The following LRRC4C variants were observed in gnomAD, a reference collection of about 807,000 sequenced individuals.
LRRC4C encodes the protein leucine rich repeat containing 4C.
A neutral mutation model predicts 33.6 loss-of-function variants in LRRC4C; 5 were observed. The observed-to-expected ratio is 0.15, with a 90% CI of 0.08 to 0.31. LRRC4C has a LOEUF of 0.31. Ranked by LOEUF, LRRC4C falls within the 10% of genes least tolerant of loss-of-function variation. The probability of loss-of-function intolerance (pLI) is 1.00; values close to 1 mark genes in which losing one functional copy is unlikely to be tolerated. For synonymous variants in LRRC4C, 329 were observed against 302.0 expected, an observed-to-expected ratio of 1.09 and a Z score of -0.93; for missense variants, 560 against 796.7, an observed-to-expected ratio of 0.70 and a Z score of 3.58.
At chr11:40,184,386 T>G (rs567969272) in intron 5 of LRRC4C, among the ~76,000 whole-genome samples, 1 of 152,264 alleles carries the variant, frequency 6.6e-6, no homozygotes, top group African/African-American at 2.4e-5. Flanking sequence ...AATTGTCTCT[T>G]TTGAGCGGAT....
At chr11:40,458,859 GT>G (rs1224812872) in intron 3 of LRRC4C, among the ~76,000 whole-genome samples, 4 of 151,982 alleles carry the variant, frequency 2.6e-5, no homozygotes, top group East Asian at 1.9e-4. Flanking sequence ...GTTTTCCTAG[GT>G]TTTTTATTTG....
At chr11:41,278,420 G>T (rs562274750) in intron 1 of LRRC4C, among the ~76,000 whole-genome samples, 4 of 152,272 alleles carry the variant, frequency 2.6e-5, no homozygotes, top group African/African-American at 9.6e-5. Flanking sequence ...AAGTTTCCAA[G>T]AATCTATCGA....
intron 3 of LRRC4C, among the ~76,000 whole-genome samples, chr11:40,487,011 G>A (rs893281206): frequency 6.6e-6 from 1 of 151,944 alleles, no homozygotes. Context: ...AGGGGAAGCC[G>A]ATAGGGTTAA....
At chr11:40,668,907 G>T (rs1565618584) in intron 2 of LRRC4C, among the ~76,000 whole-genome samples, 1 of 152,164 alleles carries the variant, frequency 6.6e-6, no homozygotes, top group Non-Finnish European at 1.5e-5. Flanking sequence ...AGGCTAACAG[G>T]AGTAGACAGA....
At chr11:40,704,567 A>G (rs1447755187) in intron 2 of LRRC4C, among the ~76,000 whole-genome samples, 1 of 152,144 alleles carries the variant, frequency 6.6e-6, no homozygotes, top group Non-Finnish European at 1.5e-5. Context: ...AGTGGTGAAG[A>G]GCAAGAAACC....
At chr11:40,690,058 A>G (rs1945155689) in intron 2 of LRRC4C, among the ~76,000 whole-genome samples, 1 of 152,130 alleles carries the variant, frequency 6.6e-6, no homozygotes, top group Admixed American at 6.6e-5. Context: ...TGAAGCCAGT[A>G]GAAAGGTTGC....
intron 3 of LRRC4C, among the ~76,000 whole-genome samples, chr11:40,352,035 A>T (rs1234093001): frequency 6.6e-6 from 1 of 151,998 alleles, no homozygotes; most frequent in Non-Finnish European, 1.5e-5. Flanking sequence ...TATTATTGAT[A>T]AATAAAGACT....
chr11:41,193,426 C>T (rs922092691), intron 1 of LRRC4C, among the ~76,000 whole-genome samples: 5 of 151,996 alleles, frequency 3.3e-5, no homozygotes, highest in Admixed American at 2.0e-4. Flanking sequence ...CCCAATAGAC[C>T]AAGCATCATG....
chr11:40,920,723 G>A (rs2136355223), intron 2 of LRRC4C, among the ~76,000 whole-genome samples: 1 of 152,134 alleles, frequency 6.6e-6, no homozygotes, highest in East Asian at 1.9e-4. Flanking sequence ...GATCTTTGTG[G>A]TACGTAGAAT....
chr11:40,509,135 G>T (rs1056239284), intron 3 of LRRC4C, among the ~76,000 whole-genome samples: 1 of 152,050 alleles, frequency 6.6e-6, no homozygotes, highest in Non-Finnish European at 1.5e-5. Flanking sequence ...ATAGCAAATT[G>T]GAAATGATAT....
intron 3 of LRRC4C, among the ~76,000 whole-genome samples, chr11:40,493,918 C>T (rs750380926): frequency 6.6e-6 from 1 of 152,134 alleles, no homozygotes; most frequent in Non-Finnish European, 1.5e-5. Flanking sequence ...CCTTGATGTT[C>T]TCCTTTATGT....
intron 1 of LRRC4C, among the ~76,000 whole-genome samples, chr11:41,080,881 A>G (rs1199197166): frequency 1.3e-5 from 2 of 152,186 alleles, no homozygotes; most frequent in South Asian, 2.1e-4. Context: ...TTTGTATTTT[A>G]GTTTCCTGTC....
Position 40,760,827 on chromosome 11 carries a change from A to G in LRRC4C, c.-406-112549T>C, listed in dbSNP as rs544007698. On this transcript the variant is annotated intron_variant, in intron 2 of 6. Coordinates refer to ENST00000528697, the MANE Select transcript of LRRC4C (RefSeq NM_001258419.2). ...CACACACACACACACACACACATAT[A>G]TTTATATATATATACACACACATAT... Among the ~76,000 whole-genome samples, 763 of 146,614 alleles carry G rather than the reference A, an allele frequency of 5.2e-3. 11 individuals carry two copies. The highest frequency in any genetic ancestry group is 0.018 in the African/African-American group (741 of 40,058).
chr11:41,437,989 G>C (rs1955488868), intron 1 of LRRC4C, among the ~76,000 whole-genome samples: 1 of 151,372 alleles, frequency 6.6e-6, no homozygotes, highest in African/African-American at 2.4e-5. Flanking sequence ...AGTGAGCTGA[G>C]ATCACACTGT....
chr11:41,265,192 T>A (rs1202930313), intron 1 of LRRC4C, among the ~76,000 whole-genome samples: 1 of 151,994 alleles, frequency 6.6e-6, no homozygotes, highest in East Asian at 1.9e-4. Context: ...TAACTTAGAG[T>A]ATGTGATATC....
At chr11:40,390,087 G>A (rs1246710724) in intron 3 of LRRC4C, among the ~76,000 whole-genome samples, 3 of 152,108 alleles carry the variant, frequency 2.0e-5, no homozygotes, top group Non-Finnish European at 4.4e-5. Flanking sequence ...GTTATCACAA[G>A]GCTAAAATAT....
At chr11:40,482,510 C>T (rs1051381777) in intron 3 of LRRC4C, among the ~76,000 whole-genome samples, 8 of 151,714 alleles carry the variant, frequency 5.3e-5, no homozygotes, top group Non-Finnish European at 7.4e-5. Flanking sequence ...ACTCTGTTAC[C>T]GAGGCTGGAG....
At chr11:41,138,386 T>C (rs190854845) in intron 1 of LRRC4C, among the ~76,000 whole-genome samples, 1 of 152,302 alleles carries the variant, frequency 6.6e-6, no homozygotes, top group Admixed American at 6.5e-5. Context: ...GTGTGGTCTC[T>C]AGTACACTAG....
chr11:40,369,964 T>C (rs962859822), intron 3 of LRRC4C, among the ~76,000 whole-genome samples: 1 of 152,166 alleles, frequency 6.6e-6, no homozygotes, highest in East Asian at 1.9e-4. Context: ...TTTATGAATA[T>C]ATCGATCAGG....
Sources: gnomAD v4.1 joint callset for allele counts (sites outside exome capture counted in the v4.1 genomes callset) on GRCh38, gnomAD v4.1.1 for gene constraint, MANE v1.5 for transcripts, NCBI Gene and HGNC (gene_info 2026-07-23, HGNC 2026-07-21) for gene names.